The following TMEM230 variants were observed in gnomAD, a reference collection of about 807,000 sequenced individuals.
TMEM230 encodes the protein transmembrane protein 230.
A neutral mutation model predicts 15.8 loss-of-function variants in TMEM230; 10 were observed. The observed-to-expected ratio is 0.63, with a 90% CI of 0.39 to 1.07. The LOEUF (loss-of-function observed/expected upper bound fraction) is 1.07. Ranked by LOEUF, TMEM230 falls within the 50% of genes least tolerant of loss-of-function variation. The pLI is 0.01. For synonymous variants in TMEM230, 67 were observed against 76.9 expected, an observed-to-expected ratio of 0.87 and a Z score of 0.68; for missense variants, 165 against 193.3, an observed-to-expected ratio of 0.85 and a Z score of 0.87.
In TMEM230 at chr20:5,111,542, G is replaced by A; in HGVS notation, c.132C>T (p.Leu44=). Residue 44 remains leucine, a synonymous_variant, in exon 2 of 5, where the codon CTC becomes CTT. Coordinates refer to ENST00000342308, the MANE Select transcript of TMEM230 (RefSeq NM_001009923.2). The stretch of plus-strand genomic sequence containing the variant: ...AAGAATCGCTTGAAGCCAGGAGGTG[G>A]AGATTGCAGTGAGCTGAGATCACAC... The A allele has an allele frequency of 5.3e-6, 1 of 188,996 alleles. No individual in the cohort carries two copies. Among genetic ancestry groups the A allele is most frequent in the African/African-American group, 2.5e-5 (1 of 39,316 alleles). 11.7% of individuals were successfully genotyped at this position (188,996 alleles called of 1,614,324 possible).
chr20:5,067,750 A>AG (rs527903441), downstream of TMEM230, among the ~76,000 whole-genome samples: 893 of 76,072 alleles, frequency 0.012, 13 homozygotes, highest in African/African-American at 0.04. Context: ...CTCCCCACCC[A>AG]GCCCCCCTCT....
chr20:5,070,266 G>T (rs187816371), intron 3 of TMEM230, among the ~76,000 whole-genome samples: 12 of 152,124 alleles, frequency 7.9e-5, no homozygotes, highest in Admixed American at 7.9e-4. Context: ...ATCACCTACC[G>T]GCCACATAAA....
intron 3 of TMEM230, among the ~76,000 whole-genome samples, chr20:5,076,676 C>CTTTTTTTTTTTTT (rs763498321): frequency 7.8e-6 from 1 of 127,482 alleles, no homozygotes; most frequent in African/African-American, 3.1e-5. Flanking sequence ...GATTGATATT[C>CTTTTTTTTTTTTT]TTTTTTTTTT....
At chr20:5,083,158 C>A (rs139272757) in intron 3 of TMEM230, among the ~76,000 whole-genome samples, 1 of 151,826 alleles carries the variant, frequency 6.6e-6, no homozygotes, top group Non-Finnish European at 1.5e-5. Flanking sequence ...GAACTCCTGA[C>A]CTCATATGAG....
chr20:5,106,174 G>A lies in TMEM230; in HGVS notation c.411+14C>T, dbSNP rs2090081971. On this transcript the variant is annotated intron_variant, in intron 4 of 4. Coordinates refer to ENST00000342308, the MANE Select transcript of TMEM230 (RefSeq NM_001009923.2). Reference sequence around the variant, plus strand: ...AAAATCTCACAACTTATTCCCACATGCCCGTCAGCTTACCCCTTTGCTGAT... The same window carrying A: ...AAAATCTCACAACTTATTCCCACATACCCGTCAGCTTACCCCTTTGCTGAT... The A allele has an allele frequency of 1.2e-6, 2 of 1,600,456 alleles. No homozygotes were observed. The highest frequency in any genetic ancestry group is 1.7e-6 in the Non-Finnish European group (2 of 1,176,170).
At chr20:5,112,854 C>T (rs1015748464) in intron 1 of TMEM230, 107 bp downstream of exon 1, 4 of 1,545,492 alleles carry the variant, frequency 2.6e-6, no homozygotes, top group Non-Finnish European at 3.5e-6. Context: ...GGACGAATGC[C>T]CCACACGGAT....
downstream of TMEM230, among the ~76,000 whole-genome samples, chr20:5,095,260 C>T (rs1037192324): frequency 4.6e-5 from 7 of 152,266 alleles, no homozygotes; most frequent in African/African-American, 1.4e-4. Flanking sequence ...CCAGCACCTC[C>T]AGTGTTCGGA....
the TMEM230 span, among the ~76,000 whole-genome samples, chr20:5,060,590 A>G: frequency 6.6e-6 from 1 of 151,070 alleles, no homozygotes; most frequent in Non-Finnish European, 1.5e-5. Context: ...GCCTGCCTCA[A>G]CCTCCCAAAG....
At chr20:5,071,643 A>AC (rs889777461) in intron 3 of TMEM230, among the ~76,000 whole-genome samples, 1 of 149,818 alleles carries the variant, frequency 6.7e-6, no homozygotes, top group African/African-American at 2.5e-5. Flanking sequence ...AAAAAACAAA[A>AC]AGGGTACATA....
At chr20:5,097,873 G>T (rs901676207), downstream of TMEM230, among the ~76,000 whole-genome samples, 1 of 145,866 alleles carries the variant, frequency 6.9e-6, no homozygotes, top group Admixed American at 6.9e-5. Context: ...GGCCTCCCAA[G>T]TGCTGGGATT....
intron 4 of TMEM230, among the ~76,000 whole-genome samples, chr20:5,103,644 CAAACAAAAAAACCAAA>C (rs1209850717): frequency 3.6e-4 from 52 of 142,676 alleles, no homozygotes; most frequent in Non-Finnish European, 7.7e-4. Flanking sequence ...AAAAAAAAAA[CAAACAAAAAAACCAAA>C]AAACAAAAAA....
chr20:5,091,789 G>A (rs1044468902), intron 3 of TMEM230, among the ~76,000 whole-genome samples: 43 of 152,112 alleles, frequency 2.8e-4, no homozygotes, highest in African/African-American at 9.4e-4. Flanking sequence ...AAACATAAAG[G>A]TCAAATTCAA....
intron 2 of TMEM230, among the ~76,000 whole-genome samples, chr20:5,110,555 G>A (rs1214670684): frequency 6.6e-6 from 1 of 152,166 alleles, no homozygotes; most frequent in Non-Finnish European, 1.5e-5. Context: ...AAAGTGCTGG[G>A]ATTACAGGCC....
chr20:5,079,391 C>T (rs1460284474), intron 3 of TMEM230, among the ~76,000 whole-genome samples: 4 of 152,206 alleles, frequency 2.6e-5, no homozygotes, highest in Non-Finnish European at 5.9e-5. Context: ...GATTTCAGAA[C>T]CACTTTGTTG....
At chr20:5,106,823 A>G (rs1600404100) in intron 3 of TMEM230, among the ~76,000 whole-genome samples, 1 of 152,000 alleles carries the variant, frequency 6.6e-6, no homozygotes, top group South Asian at 2.1e-4. Flanking sequence ...CTCTTGCCTC[A>G]TCCTCTCAAG....
chr20:5,098,019 C>T (rs2089716782), downstream of TMEM230, among the ~76,000 whole-genome samples: 1 of 131,386 alleles, frequency 7.6e-6, no homozygotes, highest in African/African-American at 2.8e-5. Flanking sequence ...GCTTTGTTGC[C>T]CAGGCTGGAG....
At chr20:5,099,191 AAAATAAATAAAT>A (rs60562203), downstream of TMEM230, among the ~76,000 whole-genome samples, 320 of 112,778 alleles carry the variant, frequency 2.8e-3, 2 homozygotes, top group Middle Eastern at 4.3e-3. Flanking sequence ...ACTCTGTCTC[AAAATAAATAAAT>A]AAATAAATAA....
chr20:5,099,219 T>TC (rs2089756270), downstream of TMEM230, among the ~76,000 whole-genome samples: 1 of 99,392 alleles, frequency 1.0e-5, no homozygotes, highest in Non-Finnish European at 2.0e-5. Context: ...AATAAATAAA[T>TC]AAATAAATAA....
chr20:5,093,801 G>C (rs1358275549), intron 3 of TMEM230, among the ~76,000 whole-genome samples: 1 of 152,228 alleles, frequency 6.6e-6, no homozygotes, highest in Non-Finnish European at 1.5e-5. Context: ...GCCTCCCAAA[G>C]TGCTGGGATT....
Sources: allele counts gnomAD v4.1 joint callset (sites outside exome capture counted in the v4.1 genomes callset), GRCh38; gene constraint gnomAD v4.1.1; transcripts MANE v1.5; gene names NCBI Gene and HGNC (gene_info 2026-07-23, HGNC 2026-07-21).